Variants in HADHA observed in about 807,000 individuals in gnomAD.
HADHA encodes the protein hydroxyacyl-CoA dehydrogenase trifunctional multienzyme complex subunit alpha.
A neutral mutation model predicts 91.3 loss-of-function variants in HADHA; 59 were observed. That is an observed-to-expected ratio of 0.65 (90% CI 0.52 to 0.80). HADHA has a LOEUF of 0.80. Among genes scored for constraint, HADHA ranks in the 30% least tolerant of loss-of-function variants. The probability of loss-of-function intolerance (pLI) is 0.00; values close to 1 mark genes in which losing one functional copy is unlikely to be tolerated. For missense variants in HADHA, 800 were observed against 927.6 expected, an observed-to-expected ratio of 0.86 and a Z score of 1.79; for synonymous variants, 320 against 338.9, an observed-to-expected ratio of 0.94 and a Z score of 0.61.
At chr2:26,216,261 A>G (rs1670217071) in intron 7 of HADHA, among the ~76,000 whole-genome samples, 2 of 151,576 alleles carry the variant, frequency 1.3e-5, no homozygotes, top group Admixed American at 1.3e-4. Flanking sequence ...CAAAATCCCA[A>G]CTGAGGGAAC....
At chr2:26,206,950 T>C (rs935485995) in intron 11 of HADHA, among the ~76,000 whole-genome samples, 2 of 151,890 alleles carry the variant, frequency 1.3e-5, no homozygotes, top group African/African-American at 4.8e-5. Flanking sequence ...ATAATCGTAG[T>C]GCTTTGGGAG....
chr2:26,192,269 G>T, intron 18 of HADHA, 41 bp downstream of exon 18: 2 of 1,031,480 alleles, frequency 1.9e-6, no homozygotes, highest in Non-Finnish European at 1.5e-6. Context: ...GGCTGTCAGA[G>T]AAAGTCAATT....
intron 13 of HADHA, 57 bp from the exon 14 acceptor site, chr2:26,197,834 C>A (rs1669716953): frequency 1.1e-6 from 1 of 886,940 alleles, no homozygotes; most frequent in Non-Finnish European, 1.9e-6. Context: ...TGATTAGAGG[C>A]CACATCAAAG....
At chr2:26,197,822 G>A (rs766002849) in intron 13 of HADHA, 45 bp from the exon 14 acceptor site, 1 of 952,204 alleles carries the variant, frequency 1.1e-6, no homozygotes, top group Admixed American at 1.7e-5. Flanking sequence ...AGGCCTGGGA[G>A]ATGATTAGAG....
chr2:26,196,911 G>C (rs1164102063), intron 14 of HADHA, among the ~76,000 whole-genome samples: 1 of 152,160 alleles, frequency 6.6e-6, no homozygotes, highest in Non-Finnish European at 1.5e-5. Context: ...CATTGAGCCT[G>C]CCTCTGTCAG....
rs141617044 is a variant in HADHA, at chr2:26,239,989, T to C, written c.68-846A>G. Among the ~76,000 whole-genome samples the C allele has an allele frequency of 9.6e-4, 147 of 152,350 alleles. 1 individual carries two copies. Among genetic ancestry groups the C allele is most frequent in the African/African-American group, 3.4e-3 (142 of 41,592 alleles). ...TCTACTTGACTAATAGTATGTTTCC[T>C]GCTTTGCTTTTCCATCATTTGAAAT... On this transcript the variant is annotated intron_variant, in intron 1 of 19. Transcript: ENST00000380649.
intron 7 of HADHA, among the ~76,000 whole-genome samples, chr2:26,228,319 T>TGG (rs930852420): frequency 6.6e-6 from 1 of 152,012 alleles, no homozygotes; most frequent in African/African-American, 2.4e-5. Context: ...TTAGTAGAGA[T>TGG]GGGGTTTCGC....
chr2:26,199,031 A>G lies in HADHA; in HGVS notation c.1393-1254T>C, dbSNP rs142751669. 6.1e-3 allele frequency among the ~76,000 whole-genome samples: 931 copies of G among 151,794 alleles called. 8 individuals are homozygous for G. The highest frequency in any genetic ancestry group is 0.022 in the African/African-American group (903 of 41,326). ...TGCCTCAGCCTCCCGAGTAGCTGGG[A>G]TTACAGGCACCTGCCACCATGCCTG... On this transcript the variant is annotated intron_variant, in intron 13 of 19. Coordinates refer to ENST00000380649, the MANE Select transcript of HADHA (RefSeq NM_000182.5).
At chr2:26,198,896 C>CTT (rs869241203) in intron 13 of HADHA, among the ~76,000 whole-genome samples, 5 of 141,460 alleles carry the variant, frequency 3.5e-5, no homozygotes, top group Non-Finnish European at 7.8e-5. Flanking sequence ...CAAAACATAA[C>CTT]TTTTTTTTTT....
rs748978437 is a variant in HADHA, at chr2:26,212,551, TGAAAG to T, written c.975+14_975+18del. ...TTTCCTTTAACTGATAATAAAACAT[TGAAAG>T]GAAATAAGTTTACCTGAGATTCACA... On this transcript the variant is annotated intron_variant, in intron 10 of 19. Transcript: ENST00000380649. 10 of 1,461,772 alleles carry T rather than the reference TGAAAG, an allele frequency of 6.8e-6. No homozygotes were observed. Among genetic ancestry groups the T allele is most frequent in the Non-Finnish European group, 9.6e-6 (10 of 1,040,662 alleles). 90.6% of individuals were successfully genotyped at this position (1,461,772 alleles called of 1,614,324 possible).
At chr2:26,220,691 A>G (rs1312536719) in intron 7 of HADHA, among the ~76,000 whole-genome samples, 1 of 152,162 alleles carries the variant, frequency 6.6e-6, no homozygotes. Flanking sequence ...TTTTCTTGGT[A>G]TCTGTTAGTA....
chr2:26,236,712 G>T, intron 4 of HADHA, 143 bp downstream of exon 4: 1 of 677,898 alleles, frequency 1.5e-6, no homozygotes, highest in Non-Finnish European at 2.5e-6. Context: ...ACCACACCCA[G>T]CCTGATACGT....
chr2:26,197,066 A>C (rs1349438573), intron 14 of HADHA, among the ~76,000 whole-genome samples: 2 of 152,246 alleles, frequency 1.3e-5, no homozygotes, highest in African/African-American at 4.8e-5. Flanking sequence ...AAGTTCTTTT[A>C]TAATTCCTGC....
intron 16 of HADHA, 47 bp from the exon 17 acceptor site, chr2:26,193,819 T>TC: frequency 6.7e-7 from 1 of 1,497,646 alleles, no homozygotes; most frequent in Non-Finnish European, 9.3e-7. Context: ...GCAGCCCAAA[T>TC]CCCCCCAAAG....
intron 3 of HADHA, among the ~76,000 whole-genome samples, 184 bp from the exon 4 acceptor site, chr2:26,237,172 C>G (rs1006800035): frequency 4.6e-5 from 7 of 152,144 alleles, no homozygotes; most frequent in African/African-American, 1.7e-4. Context: ...AGCTTTGGCC[C>G]ACTACAAGCA....
rs1251587802 is a variant in HADHA at position 26,210,939 on chromosome 2, G to C, written c.976-1050C>G. The C allele has an allele frequency of 1.3e-5, 2 of 152,206 alleles. No individual in the cohort carries two copies. Among genetic ancestry groups the C allele is most frequent in the Non-Finnish European group, 2.9e-5 (2 of 68,040 alleles). The allele number at this position is 152,206 out of a possible 1,614,324, so 9.4% of individuals were successfully genotyped here. A position where few individuals can be genotyped will look rare whatever the true frequency, so the allele number is the denominator to read the frequency against. On this transcript the variant is annotated intron_variant, in intron 10 of 19. Coordinates refer to ENST00000380649, the MANE Select transcript of HADHA (RefSeq NM_000182.5). The surrounding 1 kb of genome is among the most constrained non-coding windows in gnomAD (Gnocchi z 4.0). ...TAATATCACTAGGATATAATGGTAA[G>C]ATTGCATGGTTACAAAGAGCATTTC... is the stretch of plus-strand genomic sequence containing the variant.
chr2:26,233,414 T>A (rs1670672643), intron 5 of HADHA, among the ~76,000 whole-genome samples: 1 of 152,258 alleles, frequency 6.6e-6, no homozygotes, highest in Non-Finnish European at 1.5e-5. Context: ...ACTGCATATG[T>A]GAAAGTGTCT....
In HADHA at chr2:26,204,125, T is replaced by C; in HGVS notation, c.1157A>G (p.Lys386Arg). 2 of 1,613,804 alleles carry C rather than the reference T, an allele frequency of 1.2e-6. No homozygotes were observed. Among genetic ancestry groups the C allele is most frequent in the Non-Finnish European group, 1.7e-6 (2 of 1,179,664 alleles). Residue 386 changes from lysine (K) to arginine (R), a missense_variant, in exon 12 of 20, where the codon AAG (lysine) becomes AGG (arginine). Physicochemically the swap from Lys to Arg is conservative, Grantham distance 26. Coordinates refer to ENST00000380649, the MANE Select transcript of HADHA (RefSeq NM_000182.5). ...IAQVSVDKGL[K>R]TILKDATLTA... ...GAGGGTGGCATCTTTAAGTATAGTC[T>C]TTAGCCCCTTATCCACGGAGACTTG...
intron 13 of HADHA, among the ~76,000 whole-genome samples, chr2:26,200,842 C>T (rs1260171631): frequency 5.9e-5 from 9 of 151,934 alleles, no homozygotes; most frequent in Non-Finnish European, 1.3e-4. Context: ...CAGTGATTCT[C>T]CTGCTTCAGC....
Sources: allele counts gnomAD v4.1 joint callset (sites outside exome capture counted in the v4.1 genomes callset), GRCh38; gene constraint gnomAD v4.1.1; non-coding constraint Gnocchi (gnomAD v3.1); transcripts MANE v1.5; gene names NCBI Gene and HGNC (gene_info 2026-07-23, HGNC 2026-07-21).